WIPI2: variants seen among roughly 807,000 people sequenced by gnomAD.
WIPI2 encodes WD repeat domain, phosphoinositide interacting 2.
WIPI2 carries 28 observed loss-of-function variants against 52.3 expected under a neutral mutation model. That is an observed-to-expected ratio of 0.54 (90% CI 0.40 to 0.73). The LOEUF is 0.73. WIPI2 is among the 30% of genes least tolerant of loss of function. The pLI is 0.00. For synonymous variants in WIPI2, 268 were observed against 245.0 expected, an observed-to-expected ratio of 1.09 and a Z score of -0.88; for missense variants, 506 against 602.9, an observed-to-expected ratio of 0.84 and a Z score of 1.68.
At chr7:5,214,755 C>T (rs1241840145) in intron 4 of WIPI2, 51 bp downstream of exon 4, 2 of 1,597,180 alleles carry the variant, frequency 1.3e-6, no homozygotes, top group African/African-American at 2.7e-5. Flanking sequence ...CCCTCCAGCA[C>T]TCTGGGACAA....
Position 5,198,710 on chromosome 7 carries a change from T to A in WIPI2, c.129-866T>A, listed in dbSNP as rs1781872298. 3.3e-5 allele frequency among the ~76,000 whole-genome samples: 5 copies of A among 152,252 alleles called. No homozygotes were observed. The South Asian group carries it at 1.0e-3, about 31-fold the overall frequency. ...TTTTGAGGAAACCAGTAAGGCTGATTCCTTGTGCTTATATCCCAAACTTAA... is the reference window on the plus strand; with the variant it reads ...TTTTGAGGAAACCAGTAAGGCTGATACCTTGTGCTTATATCCCAAACTTAA... On this transcript the variant is annotated intron_variant, in intron 2 of 12. Coordinates refer to ENST00000288828, the MANE Select transcript of WIPI2 (RefSeq NM_015610.4).
intron 3 of WIPI2, among the ~76,000 whole-genome samples, chr7:5,202,047 A>T (rs950715893): frequency 2.6e-5 from 4 of 152,166 alleles, no homozygotes; most frequent in African/African-American, 9.7e-5. Flanking sequence ...AGGTGGACTC[A>T]GAGGAAAGAA....
intron 3 of WIPI2, among the ~76,000 whole-genome samples, chr7:5,206,169 C>T (rs1054934090): frequency 3.9e-5 from 6 of 152,016 alleles, no homozygotes; most frequent in African/African-American, 1.5e-4. Context: ...CAAGGTGGTC[C>T]TGTAATACTC....
chr7:5,196,045 A>G (rs1781731813), intron 2 of WIPI2, among the ~76,000 whole-genome samples: 2 of 151,884 alleles, frequency 1.3e-5, no homozygotes, highest in African/African-American at 4.8e-5. Context: ...CTCAAAAAAA[A>G]AAACTTATCT....
intron 8 of WIPI2, among the ~76,000 whole-genome samples, chr7:5,224,224 G>C (rs117560844): frequency 1.3e-5 from 2 of 152,234 alleles, no homozygotes; most frequent in Non-Finnish European, 2.9e-5. Context: ...AGGGTCTTGC[G>C]TGAGCTGGCA....
In WIPI2 at chr7:5,231,281, CT is replaced by C. The variant is rs1416703981; in HGVS notation, c.*337del. 2 of 221,248 alleles carry C rather than the reference CT, an allele frequency of 9.0e-6. No individual in the cohort carries two copies. Among genetic ancestry groups the C allele is most frequent in the Non-Finnish European group, 1.8e-5 (2 of 112,266 alleles). 13.7% of individuals were successfully genotyped at this position (221,248 alleles called of 1,614,324 possible). On this transcript the variant is annotated 3_prime_UTR_variant, in exon 13 of 13. Coordinates refer to ENST00000288828, the MANE Select transcript of WIPI2 (RefSeq NM_015610.4). ...GCCAGCATAGGGGAGCTAGAAGCCACTTTCCAGCCACCTGCCGTTGGGTTTT... is the reference window on the plus strand; with the variant it reads ...GCCAGCATAGGGGAGCTAGAAGCCACTTCCAGCCACCTGCCGTTGGGTTTT...
At chr7:5,225,993 G>T (rs897810374) in intron 9 of WIPI2, 63 bp downstream of exon 9, 1 of 1,492,698 alleles carries the variant, frequency 6.7e-7, no homozygotes, top group African/African-American at 1.4e-5. Context: ...ACTTGCTGCC[G>T]GGATGAGAGG....
chr7:5,197,118 C>CAAAAAAAAAAAAAAAAAA (rs869261081), intron 2 of WIPI2, among the ~76,000 whole-genome samples: 2 of 41,452 alleles, frequency 4.8e-5, no homozygotes, highest in African/African-American at 1.5e-4. Context: ...TCTCAAAAAA[C>CAAAAAAAAAAAAAAAAAA]AAAAAAAAAA....
chr7:5,201,482 G>A (rs895588473), intron 3 of WIPI2, among the ~76,000 whole-genome samples: 3 of 152,290 alleles, frequency 2.0e-5, no homozygotes, highest in Middle Eastern at 3.4e-3. Context: ...AGTGGCTCAC[G>A]CCTGTAATCC....
At chr7:5,196,972 C>T (rs919121134) in intron 2 of WIPI2, among the ~76,000 whole-genome samples, 10 of 151,668 alleles carry the variant, frequency 6.6e-5, no homozygotes, top group South Asian at 2.1e-4. Context: ...ATTAGCCGGG[C>T]GTGGTGGCAG....
chr7:5,219,081 A>G (rs766201958), intron 7 of WIPI2: 11 of 152,212 alleles, frequency 7.2e-5, no homozygotes, highest in Non-Finnish European at 7.3e-5. Context: ...GAGTTCTGTA[A>G]TAATGATGTC....
At chr7:5,217,640 C>G (rs900938781) in intron 6 of WIPI2, 1 of 454,834 alleles carries the variant, frequency 2.2e-6, no homozygotes, top group Non-Finnish European at 4.1e-6. Context: ...GCTCATTCTG[C>G]TTCTGGATCT....
intron 3 of WIPI2, among the ~76,000 whole-genome samples, chr7:5,207,958 G>GTTTCA (rs1782373010): frequency 6.6e-6 from 1 of 151,990 alleles, no homozygotes; most frequent in Non-Finnish European, 1.5e-5. Flanking sequence ...TAGAGACGGG[G>GTTTCA]TTTCACCATG....
At chr7:5,216,376 G>A (rs1040204719) in intron 4 of WIPI2, 187 bp from the exon 5 acceptor site, 2 of 429,398 alleles carry the variant, frequency 4.7e-6, no homozygotes, top group African/African-American at 4.0e-5. Context: ...AGGTTGCAGT[G>A]AGCCGAGATC....
chr7:5,200,857 A>C (rs4526271), intron 3 of WIPI2, among the ~76,000 whole-genome samples: 138,547 of 152,194 alleles, frequency 0.91, 63,176 homozygotes, highest in East Asian at 0.96. Flanking sequence ...GCAAGTACCC[A>C]GGCCCTTTGC....
At position 5,204,822 on chromosome 7, in the gene WIPI2, C is replaced by T. The variant is rs149110690; in HGVS notation, c.211+5164C>T. On this transcript the variant is annotated intron_variant, in intron 3 of 12. Transcript: ENST00000288828. The stretch of plus-strand genomic sequence containing the variant: ...CTTCTTGCATAGCTGGGACTGACTA[C>T]AGGTGCACACCACCATGCCCAGCTA... Among the ~76,000 whole-genome samples, 686 of 152,230 alleles carry T rather than the reference C, an allele frequency of 4.5e-3. 14 individuals carry two copies. Among genetic ancestry groups the T allele is most frequent in the East Asian group, 2.7e-3 (14 of 5,174 alleles).
intron 4 of WIPI2, 75 bp downstream of exon 4, chr7:5,214,779 G>A (rs1782728973): frequency 2.6e-6 from 4 of 1,534,318 alleles, no homozygotes; most frequent in Non-Finnish European, 3.6e-6. Context: ...CACCCCACCG[G>A]CATGCCCCTC....
chr7:5,217,991 A>C lies in WIPI2; in HGVS notation c.646A>C (p.Lys216Gln). Residue 216 changes from lysine to glutamine, a missense_variant, in exon 7 of 13, where the codon AAA becomes CAA. By Grantham distance (53) the Lys-to-Gln change is moderately conservative. Transcript: ENST00000288828. ...ACTGGCCTTTGACGCAAGTGGAACT[A>C]AACTTGCCACGGCTTCGGAGAAGGT... is the stretch of plus-strand genomic sequence containing the variant. ...AALAFDASGTKLATASEKGTV... is the reference protein window; with the variant it reads ...AALAFDASGTQLATASEKGTV... 1.2e-6 allele frequency: 2 copies of C among 1,614,238 alleles called. No homozygotes were observed. Among genetic ancestry groups the C allele is most frequent in the Non-Finnish European group, 1.7e-6 (2 of 1,180,020 alleles).
At chr7:5,209,944 G>A (rs973880395) in intron 3 of WIPI2, among the ~76,000 whole-genome samples, 8 of 151,914 alleles carry the variant, frequency 5.3e-5, no homozygotes, top group African/African-American at 1.9e-4. Context: ...GTCTCGTTGT[G>A]CTGCCCATGC....
Sources: allele counts gnomAD v4.1 joint callset (sites outside exome capture counted in the v4.1 genomes callset), GRCh38; gene constraint gnomAD v4.1.1; transcripts MANE v1.5; gene names NCBI Gene and HGNC (gene_info 2026-07-23, HGNC 2026-07-21).